The following PTPRG variants were observed in gnomAD, a reference collection of about 807,000 sequenced individuals.
PTPRG encodes the protein receptor-type tyrosine-protein phosphatase gamma.
PTPRG carries 102 observed loss-of-function variants against 165.3 expected under a neutral mutation model. That is an observed-to-expected ratio of 0.62 (90% CI 0.53 to 0.73). PTPRG has a LOEUF of 0.73. PTPRG is among the 30% of genes least tolerant of loss of function. The probability of loss-of-function intolerance (pLI) is 0.00; values close to 1 mark genes in which losing one functional copy is unlikely to be tolerated. For missense variants in PTPRG, 1,866 were observed against 1,861.4 expected (o/e 1.00, Z -0.05); for synonymous variants, 675 against 669.5 (o/e 1.01, Z -0.13).
At chr3:61,936,530 C>T (rs1384065921) in intron 2 of PTPRG, among the ~76,000 whole-genome samples, 1 of 152,150 alleles carries the variant, frequency 6.6e-6, no homozygotes, top group Non-Finnish European at 1.5e-5. Context: ...AACCCCCTAC[C>T]CGCCCCCTAC....
chr3:61,788,095 C>T (rs755725988), intron 2 of PTPRG, among the ~76,000 whole-genome samples: 40 of 152,136 alleles, frequency 2.6e-4, no homozygotes, highest in Non-Finnish European at 4.9e-4. Flanking sequence ...AAAGGACACA[C>T]GGCCAACTTC....
intron 4 of PTPRG, among the ~76,000 whole-genome samples, chr3:62,067,555 T>C (rs1402077857): frequency 1.3e-5 from 2 of 152,218 alleles, no homozygotes; most frequent in African/African-American, 4.8e-5. Flanking sequence ...TTTTACAATG[T>C]ATAATTGTAT....
At chr3:61,986,653 C>T (rs191140733) in intron 2 of PTPRG, among the ~76,000 whole-genome samples, 164 of 152,192 alleles carry the variant, frequency 1.1e-3, no homozygotes, top group African/African-American at 3.6e-3. Flanking sequence ...TTTTCTACCC[C>T]GCCCTTACCT....
chr3:62,020,890 A>G (rs930889130), intron 4 of PTPRG, among the ~76,000 whole-genome samples: 1 of 146,804 alleles, frequency 6.8e-6, no homozygotes, highest in African/African-American at 2.5e-5. Flanking sequence ...GCCCAGGTTG[A>G]TCTTCAGCCC....
At chr3:61,847,036 G>A (rs950650007) in intron 2 of PTPRG, among the ~76,000 whole-genome samples, 1 of 152,072 alleles carries the variant, frequency 6.6e-6, no homozygotes, top group Non-Finnish European at 1.5e-5. Flanking sequence ...TCAATTCTTC[G>A]GTGTTTGGAG....
intron 1 of PTPRG, among the ~76,000 whole-genome samples, chr3:61,623,314 G>T (rs1701513089): frequency 6.6e-6 from 1 of 152,204 alleles, no homozygotes; most frequent in Admixed American, 6.5e-5. Context: ...CTTGGGCGAG[G>T]TTCTGATCTG....
chr3:61,951,866 TC>T (rs1446768661), intron 2 of PTPRG, among the ~76,000 whole-genome samples: 1 of 152,148 alleles, frequency 6.6e-6, no homozygotes, highest in Non-Finnish European at 1.5e-5. Flanking sequence ...ACGCCTGTAA[TC>T]CCAGCACTTT....
chr3:61,756,204 C>A (rs2033628849), intron 2 of PTPRG, among the ~76,000 whole-genome samples: 1 of 152,028 alleles, frequency 6.6e-6, no homozygotes, highest in African/African-American at 2.4e-5. Flanking sequence ...TTTCTTATGC[C>A]CTTTAGAGTT....
At chr3:61,654,501 C>T (rs1028710705) in intron 1 of PTPRG, among the ~76,000 whole-genome samples, 1 of 152,000 alleles carries the variant, frequency 6.6e-6, no homozygotes, top group African/African-American at 2.4e-5. Flanking sequence ...TCTCATACCT[C>T]AGCCTCCTGA....
chr3:61,712,135 C>G (rs1466402364), intron 1 of PTPRG, among the ~76,000 whole-genome samples: 1 of 152,102 alleles, frequency 6.6e-6, no homozygotes, highest in African/African-American at 2.4e-5. Context: ...CTTAGGTGAC[C>G]CGCCTGCCTT....
chr3:61,870,609 G>T (rs577239611), intron 2 of PTPRG, among the ~76,000 whole-genome samples: 1 of 133,216 alleles, frequency 7.5e-6, no homozygotes, highest in South Asian at 2.5e-4. Flanking sequence ...TCGAACTCCT[G>T]AGCTCAGGTG....
chr3:61,839,521 G>T (rs2036559794), intron 2 of PTPRG, among the ~76,000 whole-genome samples: 1 of 152,198 alleles, frequency 6.6e-6, no homozygotes, highest in Non-Finnish European at 1.5e-5. Context: ...AAGAGCCACA[G>T]CTTAAAACAT....
At chr3:61,895,126 A>G (rs2038318843) in intron 2 of PTPRG, among the ~76,000 whole-genome samples, 1 of 152,178 alleles carries the variant, frequency 6.6e-6, no homozygotes, top group Non-Finnish European at 1.5e-5. Flanking sequence ...ACAGCAGTAA[A>G]TTATAAACAG....
intron 4 of PTPRG, among the ~76,000 whole-genome samples, chr3:62,047,338 C>A (rs1700328150): frequency 6.6e-6 from 1 of 152,080 alleles, no homozygotes; most frequent in Non-Finnish European, 1.5e-5. Flanking sequence ...CAGCTCGCTG[C>A]AACCTCCGCC....
intron 6 of PTPRG, among the ~76,000 whole-genome samples, chr3:62,148,051 C>G (rs1365661924): frequency 6.6e-6 from 1 of 152,122 alleles, no homozygotes; most frequent in African/African-American, 2.4e-5. Flanking sequence ...GAGGCTGAGG[C>G]AAGATAATCA....
intron 2 of PTPRG, among the ~76,000 whole-genome samples, chr3:61,875,019 G>C (rs73839765): frequency 5.3e-4 from 81 of 152,276 alleles, no homozygotes; most frequent in African/African-American, 1.9e-3. Flanking sequence ...GGAACAGAAA[G>C]CTGTTTTCTT....
At chr3:61,906,778 TGTAGGTAGGTAGGTAGGTAGGTAG>T (rs71123239) in intron 2 of PTPRG, among the ~76,000 whole-genome samples, 31 of 146,856 alleles carry the variant, frequency 2.1e-4, no homozygotes, top group Admixed American at 3.4e-4. Context: ...AGTGAGACCC[TGTAGGTAGGTAGGTAGGTAGGTAG>T]GTAGGTAGGT....
intron 1 of PTPRG, among the ~76,000 whole-genome samples, chr3:61,607,343 T>C (rs949973802): frequency 2.6e-5 from 4 of 152,122 alleles, no homozygotes; most frequent in African/African-American, 9.7e-5. Context: ...ACTTAGAATA[T>C]TGTCCCGAGA....
chr3:61,929,427 G>A (rs1223837296), intron 2 of PTPRG, among the ~76,000 whole-genome samples: 1 of 152,036 alleles, frequency 6.6e-6, no homozygotes, highest in Non-Finnish European at 1.5e-5. Flanking sequence ...AAGTGACCCC[G>A]TATTTAGTCC....
Sources: gnomAD v4.1 joint callset for allele counts (sites outside exome capture counted in the v4.1 genomes callset) on GRCh38, gnomAD v4.1.1 for gene constraint, MANE v1.5 for transcripts, NCBI Gene and HGNC (gene_info 2026-07-23, HGNC 2026-07-21) for gene names.